The following KLHL1 variants were observed in gnomAD, a reference collection of about 807,000 sequenced individuals.
The protein encoded by KLHL1 is kelch-like protein 1.
Under a neutral mutation model 77.7 loss-of-function variants are expected in KLHL1, and 47 were observed. The observed-to-expected ratio is 0.60, with a 90% CI of 0.48 to 0.77. KLHL1 has a LOEUF of 0.77. Among genes scored for constraint, KLHL1 ranks in the 30% least tolerant of loss-of-function variants. The pLI is 0.00. For missense variants in KLHL1, 925 were observed against 910.8 expected (o/e 1.02, Z -0.20); for synonymous variants, 360 against 325.2 (o/e 1.11, Z -1.15).
intron 10 of KLHL1, 124 bp downstream of exon 10, chr13:69,707,501 T>A: frequency 1.2e-6 from 1 of 820,668 alleles, no homozygotes. Context: ...CAATATTGGA[T>A]AAAAACAATC....
chr13:70,074,898 TA>T (rs1337565767), intron 1 of KLHL1, among the ~76,000 whole-genome samples: 1 of 152,052 alleles, frequency 6.6e-6, no homozygotes, highest in Non-Finnish European at 1.5e-5. Context: ...CAAATTCCTA[TA>T]ATAATTTTAG....
intron 4 of KLHL1, among the ~76,000 whole-genome samples, chr13:69,936,376 G>A (rs1463944927): frequency 1.3e-5 from 2 of 152,010 alleles, no homozygotes; most frequent in African/African-American, 4.8e-5. Flanking sequence ...ATGACCTAAG[G>A]TCAGGAGTTT....
chr13:69,920,664 G>T (rs1882602179), intron 4 of KLHL1, among the ~76,000 whole-genome samples: 1 of 151,706 alleles, frequency 6.6e-6, no homozygotes, highest in African/African-American at 2.4e-5. Flanking sequence ...AAATCTTTAT[G>T]CAGATATACC....
chr13:70,107,715 G>A lies in KLHL1; in HGVS notation c.-16C>T, dbSNP rs148367063. ...AGCCTGACATGCTTTACGCACAGAA[G>A]GCAAAAGGCTGGCAGCTCACGCAGG... On this transcript the variant is annotated 5_prime_UTR_variant, in exon 1 of 11. Coordinates refer to ENST00000377844, the MANE Select transcript of KLHL1 (RefSeq NM_020866.3). 85 of 1,507,464 alleles carry A rather than the reference G, an allele frequency of 5.6e-5. No homozygotes were observed. The highest frequency in any genetic ancestry group is 7.2e-5 in the Non-Finnish European group (82 of 1,133,276). 93.4% of individuals were successfully genotyped at this position (1,507,464 alleles called of 1,614,324 possible). A position where few individuals can be genotyped will look rare whatever the true frequency, so the allele number is the denominator to read the frequency against.
At chr13:69,852,382 C>A (rs1239969404) in intron 5 of KLHL1, among the ~76,000 whole-genome samples, 3 of 151,850 alleles carry the variant, frequency 2.0e-5, no homozygotes, top group African/African-American at 7.2e-5. Context: ...TACCTTGACA[C>A]AAATCTTCAG....
chr13:70,043,529 G>C (rs1886426925), intron 1 of KLHL1, among the ~76,000 whole-genome samples: 1 of 152,110 alleles, frequency 6.6e-6, no homozygotes, highest in Admixed American at 6.5e-5. Context: ...GACTCATCCA[G>C]AGCAACTTTC....
intron 1 of KLHL1, 130 bp from the exon 2 acceptor site, chr13:69,975,932 T>C (rs921165255): frequency 8.4e-7 from 1 of 1,187,562 alleles, no homozygotes; most frequent in Non-Finnish European, 1.1e-6. Context: ...TTTATTTTTA[T>C]ATTTTAATAC....
intron 7 of KLHL1, among the ~76,000 whole-genome samples, chr13:69,785,131 A>T (rs1876455444): frequency 6.6e-6 from 1 of 151,758 alleles, no homozygotes; most frequent in South Asian, 2.1e-4. Context: ...TGACCTCGTG[A>T]TCCGCCCGCC....
intron 7 of KLHL1, among the ~76,000 whole-genome samples, chr13:69,759,581 T>C (rs7995720): frequency 0.11 from 17,416 of 152,146 alleles, 1,234 homozygotes; most frequent in African/African-American, 0.18. Context: ...AAAGTAGATC[T>C]TATAAGTTTC....
At chr13:69,912,482 A>G (rs934569543) in intron 4 of KLHL1, among the ~76,000 whole-genome samples, 1 of 152,228 alleles carries the variant, frequency 6.6e-6, no homozygotes, top group Non-Finnish European at 1.5e-5. Flanking sequence ...CATAATTTTC[A>G]TAACTTCTTT....
intron 4 of KLHL1, among the ~76,000 whole-genome samples, chr13:69,930,590 T>C (rs1368411164): frequency 6.6e-6 from 1 of 151,894 alleles, no homozygotes; most frequent in African/African-American, 2.4e-5. Context: ...AATGATATTT[T>C]CCTGCACATA....
At chr13:69,719,641 A>C in intron 8 of KLHL1, 60 bp from the exon 9 acceptor site, 3 of 1,335,904 alleles carry the variant, frequency 2.2e-6, no homozygotes, top group Non-Finnish European at 2.1e-6. Flanking sequence ...AAAATATAGA[A>C]AAGGTCCTTT....
At chr13:69,713,945 T>C (rs760095875) in intron 9 of KLHL1, among the ~76,000 whole-genome samples, 5 of 152,240 alleles carry the variant, frequency 3.3e-5, no homozygotes, top group Non-Finnish European at 7.4e-5. Flanking sequence ...AGCACAATGT[T>C]AGAAAAAAAT....
chr13:69,881,964 A>C (rs1447893026), intron 5 of KLHL1, among the ~76,000 whole-genome samples: 2 of 152,154 alleles, frequency 1.3e-5, no homozygotes, highest in Non-Finnish European at 2.9e-5. Context: ...TTTTACATAT[A>C]TATTATCTAA....
intron 6 of KLHL1, among the ~76,000 whole-genome samples, chr13:69,797,796 C>A (rs113484214): frequency 6.8e-6 from 1 of 147,544 alleles, no homozygotes; most frequent in Non-Finnish European, 1.5e-5. Context: ...GCCACTGCAC[C>A]CCAGCCTGGG....
intron 8 of KLHL1, among the ~76,000 whole-genome samples, chr13:69,739,067 T>C (rs1873878738): frequency 6.6e-6 from 1 of 152,138 alleles, no homozygotes; most frequent in Non-Finnish European, 1.5e-5. Flanking sequence ...GCAGAAACCC[T>C]ATAAACCAGA....
At chr13:69,780,528 A>G (rs1438402938) in intron 7 of KLHL1, among the ~76,000 whole-genome samples, 1 of 151,096 alleles carries the variant, frequency 6.6e-6, no homozygotes, top group Admixed American at 6.6e-5. Context: ...CTAAAATTTG[A>G]TTTTCTAGTC....
At chr13:69,927,665 A>G (rs557274437) in intron 4 of KLHL1, among the ~76,000 whole-genome samples, 1 of 152,330 alleles carries the variant, frequency 6.6e-6, no homozygotes, top group Non-Finnish European at 1.5e-5. Context: ...GCTCAGTTTC[A>G]TTAGACATAG....
intron 1 of KLHL1, among the ~76,000 whole-genome samples, chr13:70,102,933 A>G (rs9634968): frequency 0.22 from 33,847 of 152,186 alleles, 3,993 homozygotes; most frequent in Admixed American, 0.29. Context: ...GATGAGTAAA[A>G]CAGACATACT....
Sources: gnomAD v4.1 joint callset for allele counts (sites outside exome capture counted in the v4.1 genomes callset) on GRCh38, gnomAD v4.1.1 for gene constraint, MANE v1.5 for transcripts, NCBI Gene and HGNC (gene_info 2026-07-23, HGNC 2026-07-21) for gene names.